Variants in ZNF684 observed in about 807,000 individuals in gnomAD.
ZNF684 encodes the protein zinc finger protein 684.
A neutral mutation model predicts 12.8 loss-of-function variants in ZNF684; 13 were observed. That is an observed-to-expected ratio of 1.02 (90% CI 0.66 to 1.62). ZNF684 has a LOEUF of 1.62. Among genes scored for constraint, ZNF684 ranks in the 40% most tolerant of loss-of-function variants. The pLI, the probability that ZNF684 is intolerant of heterozygous loss-of-function variation, is 0.00. For missense variants in ZNF684, 384 were observed against 446.9 expected (o/e 0.86, Z 1.27); for synonymous variants, 118 against 151.8 (o/e 0.78, Z 1.64).
In ZNF684 at chr1:40,534,978, G is replaced by A. The variant is rs1490273820; in HGVS notation, c.15+1797G>A. Among the ~76,000 whole-genome samples the A allele has an allele frequency of 3.3e-5, 5 of 152,172 alleles. No individual in the cohort carries two copies. The East Asian group carries it at 5.8e-4, about 18-fold the overall frequency. ...ACTGCACTCTAGCCTGGGTGACCCT[G>A]TCTCTGAAGAAAAGAAAAGATGGAT... is the stretch of plus-strand genomic sequence containing the variant. On this transcript the variant is annotated intron_variant, in intron 2 of 4. Coordinates refer to ENST00000372699, the MANE Select transcript of ZNF684 (RefSeq NM_152373.4).
At position 40,546,572 on chromosome 1, in the gene ZNF684, C is replaced by T. The variant is rs781781584; in HGVS notation, c.249C>T (p.Tyr83=). 5.8e-6 allele frequency: 9 copies of T among 1,546,558 alleles called. No homozygotes were observed. The highest frequency in any genetic ancestry group is 7.8e-6 in the Non-Finnish European group (9 of 1,150,992). The change falls in exon 5 of 5, where the codon TAC becomes TAT. Residue 83 remains tyrosine, a synonymous_variant. Transcript: ENST00000372699. ...NPHESSPESD[Y]PLVDEPGKHR... ...TGTACTCCTTTTTAGAATCTGACTA[C>T]CCACTTGTTGATGAACCAGGGAAGC...
intron 1 of ZNF684, among the ~76,000 whole-genome samples, chr1:40,532,370 T>TTTG (rs1170200067): frequency 6.6e-6 from 1 of 151,910 alleles, no homozygotes; most frequent in Non-Finnish European, 1.5e-5. Context: ...TTTTTTTTTT[T>TTTG]TTTACAGTAT....
At chr1:40,536,250 C>T (rs572969794) in intron 2 of ZNF684, among the ~76,000 whole-genome samples, 13 of 151,876 alleles carry the variant, frequency 8.6e-5, no homozygotes, top group South Asian at 2.1e-4. Context: ...AAAAATTAGC[C>T]GGGCATGGTG....
At chr1:40,537,886 T>C (rs1645993791) in intron 2 of ZNF684, among the ~76,000 whole-genome samples, 1 of 152,170 alleles carries the variant, frequency 6.6e-6, no homozygotes, top group Non-Finnish European at 1.5e-5. Flanking sequence ...TCACTACTCA[T>C]TCCTCCCTTT....
Position 40,533,192 on chromosome 1 carries a change from C to T in ZNF684, c.15+11C>T, listed in dbSNP as rs1423227281. ...ATGATCAGCTTCCAGGTAAGGTATCCATCTATTCATCCAGTTGTTTAAATC... is the reference window on the plus strand; with the variant it reads ...ATGATCAGCTTCCAGGTAAGGTATCTATCTATTCATCCAGTTGTTTAAATC... On this transcript the variant is annotated intron_variant, in intron 2 of 4. Coordinates refer to ENST00000372699, the MANE Select transcript of ZNF684 (RefSeq NM_152373.4). The T allele has an allele frequency of 6.2e-7, 1 of 1,612,796 alleles. No individual in the cohort carries two copies. The highest frequency in any genetic ancestry group is 8.5e-7 in the Non-Finnish European group (1 of 1,179,244).
chr1:40,546,906 G>T lies in ZNF684; in HGVS notation c.583G>T (p.Ala195Ser). Residue 195 changes from alanine to serine, a missense_variant, in exon 5 of 5, where the codon GCC becomes TCC. Coordinates refer to ENST00000372699, the MANE Select transcript of ZNF684 (RefSeq NM_152373.4). ...KPFECNDCGKAYSRKAHLATH... is the reference protein window; with the variant it reads ...KPFECNDCGKSYSRKAHLATH... ...TTTTGAATGCAATGACTGTGGAAAA[G>T]CCTATAGCAGGAAGGCACACCTTGC... The T allele has an allele frequency of 6.2e-7, 1 of 1,614,154 alleles. No homozygotes were observed. The highest frequency in any genetic ancestry group is 8.5e-7 in the Non-Finnish European group (1 of 1,180,034).
chr1:40,545,659 CT>C (rs1226216530), intron 4 of ZNF684, among the ~76,000 whole-genome samples: 1 of 152,108 alleles, frequency 6.6e-6, no homozygotes, highest in Non-Finnish European at 1.5e-5. Context: ...GGAGCCATGA[CT>C]ACAGACATGC....
At chr1:40,545,061 T>G (rs1287033494) in intron 4 of ZNF684, 1 of 152,204 alleles carries the variant, frequency 6.6e-6, no homozygotes, top group Non-Finnish European at 1.5e-5. Context: ...GCTGATTATG[T>G]TGAATTTTTC....
chr1:40,546,588 C>T lies in ZNF684; in HGVS notation c.265C>T (p.Pro89Ser), dbSNP rs545242034. 4.5e-6 allele frequency: 7 copies of T among 1,566,838 alleles called. No homozygotes were observed. The highest frequency in any genetic ancestry group is 6.0e-6 in the Non-Finnish European group (7 of 1,160,576). The stretch of plus-strand genomic sequence containing the variant: ...ATCTGACTACCCACTTGTTGATGAA[C>T]CAGGGAAGCATCGGGAAAGCAAAGA... Reference protein sequence around the residue: ...PESDYPLVDEPGKHRESKDNF... With the variant: ...PESDYPLVDESGKHRESKDNF... Residue 89 changes from proline to serine, a missense_variant, in exon 5 of 5, where the codon CCA becomes TCA. Pro to Ser is a moderately conservative substitution (Grantham distance 74, BLOSUM62 -1). Transcript: ENST00000372699.
intron 2 of ZNF684, among the ~76,000 whole-genome samples, chr1:40,535,592 GT>G (rs112514426): frequency 3.2e-5 from 4 of 126,804 alleles, no homozygotes; most frequent in African/African-American, 5.4e-5. Flanking sequence ...GTAGATAGTT[GT>G]TTTTTTTTTA....
chr1:40,545,293 G>A (rs771630710), intron 4 of ZNF684, among the ~76,000 whole-genome samples: 1 of 152,144 alleles, frequency 6.6e-6, no homozygotes, highest in African/African-American at 2.4e-5. Flanking sequence ...GAAAACTTAA[G>A]CGTGGGGAAT....
intron 2 of ZNF684, among the ~76,000 whole-genome samples, chr1:40,537,314 G>C (rs1645991321): frequency 6.6e-6 from 1 of 152,128 alleles, no homozygotes; most frequent in African/African-American, 2.4e-5. Context: ...TATTTCTTTT[G>C]ATATCTCCAG....
In ZNF684 at chr1:40,547,591, A is replaced by G; in HGVS notation, c.*131A>G. The G allele has an allele frequency of 1.3e-6, 1 of 750,912 alleles. No individual in the cohort carries two copies. Among genetic ancestry groups the G allele is most frequent in the Non-Finnish European group, 2.0e-6 (1 of 497,314 alleles). 46.5% of individuals were successfully genotyped at this position (750,912 alleles called of 1,614,324 possible). A position where few individuals can be genotyped will look rare whatever the true frequency, so the allele number is the denominator to read the frequency against. On this transcript the variant is annotated 3_prime_UTR_variant, in exon 5 of 5. Transcript: ENST00000372699. ...AGTAGATTCCCATAAAAAACAACCA[A>G]TGCCAATCATGTTCTGGAAGTGATA...
intron 4 of ZNF684, among the ~76,000 whole-genome samples, chr1:40,546,123 A>G (rs891946478): frequency 1.1e-4 from 17 of 151,934 alleles, no homozygotes; most frequent in African/African-American, 3.9e-4. Context: ...AGGTTTCACC[A>G]TGTTGGCCAG....
chr1:40,541,867 C>T (rs41268075), intron 4 of ZNF684, among the ~76,000 whole-genome samples, 157 bp downstream of exon 4: 22,485 of 152,130 alleles, frequency 0.15, 1,845 homozygotes, highest in Middle Eastern at 0.24. Flanking sequence ...TGCCTTCACC[C>T]TCATTCTCCC....
intron 2 of ZNF684, among the ~76,000 whole-genome samples, chr1:40,539,417 G>A (rs1168172526): frequency 6.6e-6 from 1 of 152,100 alleles, no homozygotes; most frequent in South Asian, 2.1e-4. Context: ...AAGATCGCTT[G>A]AGTCCAGGAG....
chr1:40,536,884 G>C (rs1000107341), intron 2 of ZNF684, among the ~76,000 whole-genome samples: 6 of 149,818 alleles, frequency 4.0e-5, no homozygotes, highest in Non-Finnish European at 7.4e-5. Flanking sequence ...TGGTGTATAT[G>C]TGCCACATTT....
At chr1:40,532,358 CT>C (rs3082563) in intron 1 of ZNF684, among the ~76,000 whole-genome samples, 520 of 143,534 alleles carry the variant, frequency 3.6e-3, no homozygotes, top group Non-Finnish European at 4.6e-3. Flanking sequence ...CTCCAAATTT[CT>C]TTTTTTTTTT....
At chr1:40,544,422 G>T in intron 4 of ZNF684, 1 of 420,318 alleles carries the variant, frequency 2.4e-6, no homozygotes, top group South Asian at 1.6e-5. Flanking sequence ...CCAGGCTGGA[G>T]TGCAGTGGCG....
Sources: allele counts gnomAD v4.1 joint callset (sites outside exome capture counted in the v4.1 genomes callset), GRCh38; gene constraint gnomAD v4.1.1; transcripts MANE v1.5; gene names NCBI Gene and HGNC (gene_info 2026-07-23, HGNC 2026-07-21).